The following RANBP2 variants were observed in gnomAD, a reference collection of about 807,000 sequenced individuals.
The protein encoded by RANBP2 is E3 SUMO-protein ligase RanBP2.
RANBP2 carries 57 observed loss-of-function variants against 303.6 expected under a neutral mutation model. That is an observed-to-expected ratio of 0.19 (90% CI 0.15 to 0.23). The LOEUF is 0.23. Ranked by LOEUF, RANBP2 falls within the 10% of genes least tolerant of loss-of-function variation. The pLI is 1.00. For missense variants in RANBP2, 3,138 were observed against 3,780.8 expected (o/e 0.83, Z 4.46); for synonymous variants, 1,167 against 1,301.5 (o/e 0.90, Z 2.23).
the RANBP2 span, chr2:109,567,776 C>A: frequency 6.6e-7 from 1 of 1,517,994 alleles, no homozygotes; most frequent in Non-Finnish European, 8.9e-7. Context: ...GTTTTATTTT[C>A]ACATGGAAAA....
chr2:108,905,936 T>A, the RANBP2 span, among the ~76,000 whole-genome samples: 3 of 152,164 alleles, frequency 2.0e-5, no homozygotes, highest in East Asian at 1.9e-4. Flanking sequence ...AAGTCTAGGA[T>A]AAATGACTGA....
At chr2:109,587,637 G>A in the RANBP2 span, among the ~76,000 whole-genome samples, 1 of 152,304 alleles carries the variant, frequency 6.6e-6, no homozygotes, top group East Asian at 1.9e-4. Context: ...CTTTAGGCCT[G>A]GTGTGGTGGC....
chr2:109,411,625 C>T, the RANBP2 span, among the ~76,000 whole-genome samples: 1 of 152,166 alleles, frequency 6.6e-6, no homozygotes, highest in Non-Finnish European at 1.5e-5. Context: ...TTTTCATATC[C>T]CTGAGGGCAG....
chr2:109,564,363 T>A, the RANBP2 span: 1 of 1,550,354 alleles, frequency 6.5e-7, no homozygotes, highest in Non-Finnish European at 8.7e-7. Flanking sequence ...AACCCCACCC[T>A]ACCTGACTGG....
At chr2:109,540,077 A>G in the RANBP2 span, among the ~76,000 whole-genome samples, 2 of 152,162 alleles carry the variant, frequency 1.3e-5, no homozygotes, top group African/African-American at 4.8e-5. Flanking sequence ...GCTGAGCAAA[A>G]CAAGTTCCCT....
the RANBP2 span, among the ~76,000 whole-genome samples, chr2:109,248,182 A>G: frequency 6.6e-6 from 1 of 152,148 alleles, no homozygotes; most frequent in Non-Finnish European, 1.5e-5. Context: ...TATATTCTGG[A>G]TATTAATTCT....
At chr2:109,440,807 T>C in the RANBP2 span, among the ~76,000 whole-genome samples, 7 of 152,124 alleles carry the variant, frequency 4.6e-5, no homozygotes, top group East Asian at 1.2e-3. Flanking sequence ...CGCCCTGAGA[T>C]CTTCAGGTGA....
At chr2:109,437,292 C>A in the RANBP2 span, 449 of 1,308,870 alleles carry the variant, frequency 3.4e-4, no homozygotes, top group Non-Finnish European at 4.2e-4. Flanking sequence ...TTAAGGAAAA[C>A]CGGTTTGGCC....
At chr2:108,794,466 C>T in the RANBP2 span, 9 of 1,338,682 alleles carry the variant, frequency 6.7e-6, no homozygotes, top group Admixed American at 4.6e-5. Context: ...GCATCTCTTC[C>T]TAAAGGTTAC....
chr2:108,796,587 A>G, the RANBP2 span, among the ~76,000 whole-genome samples: 2 of 152,224 alleles, frequency 1.3e-5, no homozygotes, highest in African/African-American at 4.8e-5. Flanking sequence ...CTCAGTGTCC[A>G]TTGGCAGATA....
the RANBP2 span, among the ~76,000 whole-genome samples, chr2:109,048,884 G>A: frequency 1.3e-5 from 2 of 152,120 alleles, no homozygotes; most frequent in East Asian, 3.9e-4. Flanking sequence ...TAATGAACCT[G>A]AAAAATGAGA....
chr2:108,986,437 G>C, the RANBP2 span, among the ~76,000 whole-genome samples: 1 of 152,110 alleles, frequency 6.6e-6, no homozygotes, highest in East Asian at 1.9e-4. Context: ...GGCTGTCATT[G>C]CACCATCTCC....
the RANBP2 span, among the ~76,000 whole-genome samples, chr2:109,152,451 A>G: frequency 1.3e-5 from 2 of 152,252 alleles, no homozygotes; most frequent in African/African-American, 4.8e-5. Context: ...AGAGCATAAT[A>G]GCCTTGTTCC....
the RANBP2 span, among the ~76,000 whole-genome samples, chr2:108,888,691 C>T: frequency 6.6e-6 from 1 of 151,572 alleles, no homozygotes; most frequent in African/African-American, 2.4e-5. Flanking sequence ...TTATTTGGGT[C>T]TTCTTTCCTT....
At chr2:108,791,749 A>G in the RANBP2 span, 1 of 1,606,034 alleles carries the variant, frequency 6.2e-7, no homozygotes, top group Non-Finnish European at 8.5e-7. Flanking sequence ...GAAAATGATT[A>G]TAGAGTTAGT....
At chr2:109,581,249 G>A in the RANBP2 span, among the ~76,000 whole-genome samples, 1 of 152,228 alleles carries the variant, frequency 6.6e-6, no homozygotes, top group Non-Finnish European at 1.5e-5. Flanking sequence ...ACACCAGCCT[G>A]ACCAACATGG....
the RANBP2 span, among the ~76,000 whole-genome samples, chr2:109,540,549 G>A: frequency 1.3e-5 from 2 of 152,006 alleles, no homozygotes; most frequent in Non-Finnish European, 2.9e-5. Flanking sequence ...ATATGGCCAG[G>A]CACAATGGCT....
the RANBP2 span, among the ~76,000 whole-genome samples, chr2:109,608,407 G>A: frequency 6.6e-6 from 1 of 152,136 alleles, no homozygotes; most frequent in African/African-American, 2.4e-5. Flanking sequence ...CATAAATACA[G>A]ACCACACAGA....
chr2:109,614,856 G>A, the RANBP2 span: 1 of 1,400,308 alleles, frequency 7.1e-7, no homozygotes, highest in South Asian at 1.6e-5. Context: ...CGACGCGGCG[G>A]CCCCGGAGTC....
Sources: gnomAD v4.1 joint callset for allele counts (sites outside exome capture counted in the v4.1 genomes callset) on GRCh38, gnomAD v4.1.1 for gene constraint, MANE v1.5 for transcripts, NCBI Gene and HGNC (gene_info 2026-07-23, HGNC 2026-07-21) for gene names.